Variants in LHFPL4 observed in about 807,000 individuals in gnomAD.
LHFPL4 encodes LHFPL tetraspan subfamily member 4, also known as LHFPL tetraspan subfamily member 4 protein.
LHFPL4 carries 6 observed loss-of-function variants against 20.0 expected under a neutral mutation model. That is an observed-to-expected ratio of 0.30 (90% CI 0.16 to 0.59). LHFPL4 has a LOEUF of 0.59. Among genes scored for constraint, LHFPL4 ranks in the 20% least tolerant of loss-of-function variants. The pLI is 0.88. For synonymous variants in LHFPL4, 129 were observed against 143.8 expected (o/e 0.90, Z 0.74); for missense variants, 215 against 331.2 (o/e 0.65, Z 2.72).
At chr3:9,536,390 A>T (rs772096228) in intron 2 of LHFPL4, among the ~76,000 whole-genome samples, 5 of 152,000 alleles carry the variant, frequency 3.3e-5, no homozygotes, top group Non-Finnish European at 7.4e-5. Context: ...CCATCCAACA[A>T]CCTAGATGCT....
chr3:9,551,950 C>T (rs2046557691), intron 2 of LHFPL4, among the ~76,000 whole-genome samples: 3 of 152,138 alleles, frequency 2.0e-5, no homozygotes, highest in Admixed American at 2.0e-4. Context: ...AGTAACCCCT[C>T]ACTCAGATAA....
At chr3:9,525,008 C>T (rs1335412197) in intron 2 of LHFPL4, among the ~76,000 whole-genome samples, 1 of 151,950 alleles carries the variant, frequency 6.6e-6, no homozygotes, top group Non-Finnish European at 1.5e-5. Context: ...TTTTTCTTGC[C>T]CTCCTTAGGT....
At chr3:9,521,227 T>C (rs1230768140) in intron 2 of LHFPL4, among the ~76,000 whole-genome samples, 2 of 115,090 alleles carry the variant, frequency 1.7e-5, no homozygotes, top group Non-Finnish European at 3.7e-5. Flanking sequence ...CCTTTTCTTC[T>C]TCTTCTTTTT....
At chr3:9,528,766 C>T (rs899294040) in intron 2 of LHFPL4, among the ~76,000 whole-genome samples, 1 of 151,712 alleles carries the variant, frequency 6.6e-6, no homozygotes, top group Non-Finnish European at 1.5e-5. Flanking sequence ...CAGGCGTGTG[C>T]CACCACACTG....
chr3:9,517,179 T>A (rs2125658524), intron 2 of LHFPL4, among the ~76,000 whole-genome samples: 1 of 152,284 alleles, frequency 6.6e-6, no homozygotes, highest in Middle Eastern at 3.4e-3. Flanking sequence ...GAATATTGTA[T>A]GGCTATTCTG....
chr3:9,552,751 G>T lies in LHFPL4; in HGVS notation c.-72C>A. On this transcript the variant is annotated 5_prime_UTR_variant, in exon 2 of 4. Coordinates refer to ENST00000287585, the MANE Select transcript of LHFPL4 (RefSeq NM_198560.3). ...CCGGCCCGGGACGGAGCGCCGGGCTGCCGGGCGGGAGCTGGGGACGCACGC... is the reference window on the plus strand; with the variant it reads ...CCGGCCCGGGACGGAGCGCCGGGCTTCCGGGCGGGAGCTGGGGACGCACGC... 1.0e-6 allele frequency: 1 copy of T among 960,782 alleles called. No homozygotes were observed. The highest frequency in any genetic ancestry group is 1.3e-6 in the Non-Finnish European group (1 of 777,498). 59.5% of individuals were successfully genotyped at this position (960,782 alleles called of 1,614,324 possible). A position where few individuals can be genotyped will look rare whatever the true frequency, so the allele number is the denominator to read the frequency against.
chr3:9,510,007 G>A (rs985260114), intron 2 of LHFPL4, among the ~76,000 whole-genome samples: 1 of 152,190 alleles, frequency 6.6e-6, no homozygotes, highest in African/African-American at 2.4e-5. Flanking sequence ...GGTGCAGGAT[G>A]GCACAAGCTT....
chr3:9,541,235 C>G (rs1270143371), intron 2 of LHFPL4, among the ~76,000 whole-genome samples: 2 of 152,040 alleles, frequency 1.3e-5, no homozygotes, highest in Non-Finnish European at 2.9e-5. Flanking sequence ...AGCCACCGCA[C>G]CCGGCAAAAT....
At position 9,506,275 on chromosome 3, in the gene LHFPL4, C is replaced by T. The variant is rs2625889; in HGVS notation, c.407-72G>A. 776,055 of 1,239,290 alleles carry T rather than the reference C, an allele frequency of 0.63. 246,983 individuals are homozygous for T. Among genetic ancestry groups the T allele is most frequent in the East Asian group, 0.92 (39,344 of 42,798 alleles). 76.8% of individuals were successfully genotyped at this position (1,239,290 alleles called of 1,614,324 possible). On this transcript the variant is annotated intron_variant, in intron 2 of 3. Transcript: ENST00000287585. The surrounding 1 kb of genome is among the most constrained non-coding windows in gnomAD (Gnocchi z 4.5). ...GAAAAGACCATTACTCGCTAGTGTC[C>T]GCAGTCTGGGCCCCACCCTATTGAG...
At chr3:9,533,072 A>C (rs2046420693) in intron 2 of LHFPL4, among the ~76,000 whole-genome samples, 1 of 152,144 alleles carries the variant, frequency 6.6e-6, no homozygotes, top group South Asian at 2.1e-4. Flanking sequence ...AGAGAAGGAA[A>C]ATGTCTACAA....
intron 2 of LHFPL4, among the ~76,000 whole-genome samples, chr3:9,519,886 T>C (rs1412421818): frequency 6.6e-6 from 1 of 152,138 alleles, no homozygotes; most frequent in Non-Finnish European, 1.5e-5. Flanking sequence ...CTTGAACTCC[T>C]GGGCTCAAGT....
Position 9,528,070 on chromosome 3 carries a change from C to G in LHFPL4, c.407-21867G>C, listed in dbSNP as rs555905138. The stretch of plus-strand genomic sequence containing the variant: ...ATTGCTAAATTATCATCTGAGCCAG[C>G]CTTCAGCAAGTTGCAATGAAGGTTT... On this transcript the variant is annotated intron_variant, in intron 2 of 3. Coordinates refer to ENST00000287585, the MANE Select transcript of LHFPL4 (RefSeq NM_198560.3). Among the ~76,000 whole-genome samples, 13 of 152,254 alleles carry G rather than the reference C, an allele frequency of 8.5e-5. No homozygotes were observed. The South Asian group carries it at 1.7e-3, about 19-fold the overall frequency.
chr3:9,550,392 CT>C (rs1395867326), intron 2 of LHFPL4, among the ~76,000 whole-genome samples: 2 of 152,206 alleles, frequency 1.3e-5, no homozygotes, highest in African/African-American at 4.8e-5. Context: ...AGCTTCCTCC[CT>C]TAACAGCTGT....
At chr3:9,549,093 G>T (rs1443955912) in intron 2 of LHFPL4, among the ~76,000 whole-genome samples, 1 of 152,144 alleles carries the variant, frequency 6.6e-6, no homozygotes, top group Non-Finnish European at 1.5e-5. Context: ...ATAAACCCTA[G>T]CCTCTTTATT....
At chr3:9,522,281 A>G (rs1165983458) in intron 2 of LHFPL4, among the ~76,000 whole-genome samples, 1 of 151,602 alleles carries the variant, frequency 6.6e-6, no homozygotes, top group African/African-American at 2.4e-5. Flanking sequence ...GGCGTGAGCC[A>G]CTGTGCCCGG....
chr3:9,509,243 C>CA (rs955718796), intron 2 of LHFPL4, among the ~76,000 whole-genome samples: 9 of 145,288 alleles, frequency 6.2e-5, no homozygotes, highest in Admixed American at 2.7e-4. Context: ...TTCTTCGCAC[C>CA]CCCCTCTCTC....
chr3:9,528,981 G>C (rs1320477147), intron 2 of LHFPL4, among the ~76,000 whole-genome samples: 1 of 147,334 alleles, frequency 6.8e-6, no homozygotes, highest in African/African-American at 2.5e-5. Flanking sequence ...GCAGTAGCAC[G>C]ATCTTGGCTC....
intron 2 of LHFPL4, among the ~76,000 whole-genome samples, chr3:9,547,141 A>C (rs529995340): frequency 2.0e-5 from 3 of 152,294 alleles, no homozygotes; most frequent in Admixed American, 6.5e-5. Flanking sequence ...GGCGAGTGCC[A>C]CCACATCCGG....
At position 9,500,940 on chromosome 3, in the gene LHFPL4, AACAC is replaced by A. The variant is rs75887447; in HGVS notation, c.*1267_*1270del. The stretch of plus-strand genomic sequence containing the variant: ...GGGAGAAACTTCTCACCTGTCCCCC[AACAC>A]ACACACACACACACACGCTCACACG... On this transcript the variant is annotated 3_prime_UTR_variant, in exon 4 of 4. Coordinates refer to ENST00000287585, the MANE Select transcript of LHFPL4 (RefSeq NM_198560.3). 0.018 allele frequency: 2,652 copies of A among 151,124 alleles called. 38 individuals are homozygous for A. Among genetic ancestry groups the A allele is most frequent in the South Asian group, 0.027 (130 of 4,768 alleles). The allele number at this position is 151,124 out of a possible 1,614,324, so 9.4% of individuals were successfully genotyped here.
Sources: gnomAD v4.1 joint callset for allele counts (sites outside exome capture counted in the v4.1 genomes callset) on GRCh38, gnomAD v4.1.1 for gene constraint, Gnocchi (gnomAD v3.1) non-coding constraint, MANE v1.5 for transcripts, NCBI Gene and HGNC (gene_info 2026-07-23, HGNC 2026-07-21) for gene names.